RNF31: variants seen among roughly 807,000 people sequenced by gnomAD.
RNF31 encodes ring finger protein 31, also known as E3 ubiquitin-protein ligase RNF31.
RNF31 carries 38 observed loss-of-function variants against 133.6 expected under a neutral mutation model. That is an observed-to-expected ratio of 0.28 (90% CI 0.22 to 0.37). RNF31 has a LOEUF of 0.37. Among genes scored for constraint, RNF31 ranks in the 10% least tolerant of loss-of-function variants. The pLI is 1.00. For missense variants in RNF31, 1,118 were observed against 1,394.1 expected (o/e 0.80, Z 3.15); for synonymous variants, 582 against 552.3 (o/e 1.05, Z -0.75).
At position 24,156,988 on chromosome 14, in the gene RNF31, C is replaced by T. The variant is rs187458082; in HGVS notation, c.2494-302C>T. 6.6e-4 allele frequency among the ~76,000 whole-genome samples: 101 copies of T among 152,018 alleles called. 1 individual carries two copies. Among genetic ancestry groups the T allele is most frequent in the East Asian group, 6.2e-3 (32 of 5,158 alleles). ...AATGGGAAACAGAGAGACTAGTAAC[C>T]GAGGCAAGCAATTGAGGCAAGGTCT... On this transcript the variant is annotated intron_variant, in intron 14 of 20. Transcript: ENST00000324103.
At position 24,151,372 on chromosome 14, in the gene RNF31, G is replaced by T; in HGVS notation, c.1730G>T (p.Arg577Leu). 1.2e-6 allele frequency: 2 copies of T among 1,614,184 alleles called. No individual in the cohort carries two copies. The highest frequency in any genetic ancestry group is 1.7e-6 in the Non-Finnish European group (2 of 1,180,024). ...GTGGAGGAGTGTGTGAGGACCAGGC[G>T]AAGGAAGGTATCAGCTGTGCTGGAT... ...EAVEECVRTR[R>L]RKVQELQSLG... is the part of the protein sequence containing the mutation. The change falls in exon 9 of 21, where the codon CGA (arginine) becomes CTA (leucine). Residue 577 changes from arginine (R) to leucine (L), a missense_variant. Coordinates refer to ENST00000324103, the MANE Select transcript of RNF31 (RefSeq NM_017999.5). This position sits in a 1 kb window ranked among gnomAD's most constrained non-coding sequence, Gnocchi z 5.3.
intron 11 of RNF31, 113 bp downstream of exon 11, chr14:24,152,105 C>A: frequency 9.7e-7 from 1 of 1,028,784 alleles, no homozygotes; most frequent in Non-Finnish European, 1.4e-6. Flanking sequence ...TGCCCATATA[C>A]CCCTGAAGGC....
At position 24,151,346 on chromosome 14, in the gene RNF31, T is replaced by C. The variant is rs2038263169; in HGVS notation, c.1704T>C (p.Ala568=). 1.2e-6 allele frequency: 2 copies of C among 1,614,166 alleles called. No individual in the cohort carries two copies. Among genetic ancestry groups the C allele is most frequent in the African/African-American group, 1.3e-5 (1 of 75,060 alleles). Residue 568 remains alanine, a synonymous_variant, in exon 9 of 21, where the codon GCT becomes GCC. Coordinates refer to ENST00000324103, the MANE Select transcript of RNF31 (RefSeq NM_017999.5). This position sits in a 1 kb window ranked among gnomAD's most constrained non-coding sequence, Gnocchi z 5.3. Reference sequence around the variant, plus strand: ...ATCGTCATGGCAACCTTGATGAAGCTGTGGAGGAGTGTGTGAGGACCAGGC... The same window carrying C: ...ATCGTCATGGCAACCTTGATGAAGCCGTGGAGGAGTGTGTGAGGACCAGGC... ...WLDRHGNLDE[A]VEECVRTRRR...
chr14:24,148,972 G>T, intron 5 of RNF31, 96 bp downstream of exon 5: 1 of 1,161,160 alleles, frequency 8.6e-7, no homozygotes, highest in Non-Finnish European at 1.3e-6. Flanking sequence ...CTTTGTGTTT[G>T]TTTGTTTTGA....
At position 24,150,516 on chromosome 14, in the gene RNF31, C is replaced by T. The variant is rs1018780747; in HGVS notation, c.1197+68C>T. 4 of 1,575,092 alleles carry T rather than the reference C, an allele frequency of 2.5e-6. No homozygotes were observed. In the South Asian group the frequency reaches 3.5e-5, roughly 14 times the overall value. ...ATTCTCTTCCCTATCCCATGTTTTC[C>T]TTCAGTTCCTCCCAACTCCCTGTAT... On this transcript the variant is annotated intron_variant, in intron 7 of 20. Coordinates refer to ENST00000324103, the MANE Select transcript of RNF31 (RefSeq NM_017999.5).
chr14:24,153,164 G>C (rs902467325), intron 11 of RNF31, among the ~76,000 whole-genome samples: 43 of 152,076 alleles, frequency 2.8e-4, no homozygotes, highest in Non-Finnish European at 7.4e-5. Context: ...AAAGAATTTT[G>C]CTGGGCATGA....
rs774870597 is a variant in RNF31, at chr14:24,150,103, G to T, written c.852G>T (p.Leu284=). The part of the protein sequence containing the change: ...SAQPRPQSTS[L]LALGDSSLSS... ...AACCACGGCCCCAGTCGACCTCCCTGCTGGCCCTGGGAGACAGCTCTCTTT... is the reference window on the plus strand; with the variant it reads ...AACCACGGCCCCAGTCGACCTCCCTTCTGGCCCTGGGAGACAGCTCTCTTT... Residue 284 remains leucine (L), a synonymous_variant, in exon 7 of 21, where the codon CTG becomes CTT. Transcript: ENST00000324103. 2 of 1,600,802 alleles carry T rather than the reference G, an allele frequency of 1.2e-6. No homozygotes were observed. The highest frequency in any genetic ancestry group is 3.3e-5 in the Admixed American group (2 of 59,702).
rs1172799740 is a variant in RNF31 at position 24,157,898 on chromosome 14, A to C, written c.2728A>C (p.Lys910Gln). 3 of 1,613,478 alleles carry C rather than the reference A, an allele frequency of 1.9e-6. No homozygotes were observed. Among genetic ancestry groups the C allele is most frequent in the Admixed American group, 3.3e-5 (2 of 60,010 alleles). Residue 910 changes from lysine to glutamine, a missense_variant and splice_region_variant, in exon 17 of 21, where the codon AAA becomes CAA. Coordinates refer to ENST00000324103, the MANE Select transcript of RNF31 (RefSeq NM_017999.5). ...TCTCTCCCATCTGGGTTTCTGCCAG[A>C]AATGTCCAGAGCCTAACTGCAGGGT... The part of the protein sequence containing the change: ...GCYNAFYAKN[K>Q]CPEPNCRVKK...
chr14:24,158,277 T>C lies in RNF31; in HGVS notation c.2899+78T>C. ...CCGTGTGATGGGTAAAGGGGAGGCT[T>C]GGGTCTGGGGTCACTTGTTGCATGC... On this transcript the variant is annotated intron_variant, in intron 18 of 20. Coordinates refer to ENST00000324103, the MANE Select transcript of RNF31 (RefSeq NM_017999.5). 2.1e-6 allele frequency: 3 copies of C among 1,403,086 alleles called. No homozygotes were observed. In the South Asian group the frequency reaches 3.5e-5, roughly 16 times the overall value. 86.9% of individuals were successfully genotyped at this position (1,403,086 alleles called of 1,614,324 possible).
Position 24,160,204 on chromosome 14 carries a change from A to G in RNF31, c.2997-35A>G. ...TAGACACACTCAGTTAATATTAGCC[A>G]ACACAACAAATATTCTGCTCCCTTT... is the stretch of plus-strand genomic sequence containing the variant. On this transcript the variant is annotated intron_variant, in intron 19 of 20. Transcript: ENST00000324103. The surrounding 1 kb of genome is among the most constrained non-coding windows in gnomAD (Gnocchi z 4.0). The G allele has an allele frequency of 6.3e-7, 1 of 1,592,422 alleles. No individual in the cohort carries two copies. Among genetic ancestry groups the G allele is most frequent in the East Asian group, 2.2e-5 (1 of 44,552 alleles).
chr14:24,157,801 A>ATCTCCCCTCACCC, intron 16 of RNF31, 97 bp from the exon 17 acceptor site: 2 of 1,145,066 alleles, frequency 1.7e-6, no homozygotes, highest in South Asian at 2.6e-5. Flanking sequence ...CAATGTCTCC[A>ATCTCCCCTCACCC]TCTCCCCTCA....
chr14:24,159,683 T>C (rs2038415313), intron 18 of RNF31, 181 bp from the exon 19 acceptor site: 1 of 559,412 alleles, frequency 1.8e-6, no homozygotes, highest in African/African-American at 1.9e-5. Flanking sequence ...CCTGCCTCTG[T>C]ATCAGATGGT....
rs531560174 is a variant in RNF31, at chr14:24,160,165, G to C, written c.2997-74G>C. 1.2e-4 allele frequency: 176 copies of C among 1,518,628 alleles called. No homozygotes were observed. The highest frequency in any genetic ancestry group is 1.5e-4 in the Non-Finnish European group (172 of 1,120,216). 94.1% of individuals were successfully genotyped at this position (1,518,628 alleles called of 1,614,324 possible). On this transcript the variant is annotated intron_variant, in intron 19 of 20. Transcript: ENST00000324103. The surrounding 1 kb of genome is among the most constrained non-coding windows in gnomAD (Gnocchi z 4.0). Reference sequence around the variant, plus strand: ...TAATCTTGTTCGTCCAGGTGTCTCAGAGTCCAGCTATGTTAGACACACTCA... The same window carrying C: ...TAATCTTGTTCGTCCAGGTGTCTCACAGTCCAGCTATGTTAGACACACTCA...
At chr14:24,157,438 A>T (rs1391675805) in intron 15 of RNF31, 34 bp downstream of exon 15, 2 of 1,604,458 alleles carry the variant, frequency 1.2e-6, no homozygotes, top group South Asian at 2.2e-5. Context: ...TTTGCTCAGA[A>T]GCCTGTCATT....
At chr14:24,158,069 G>T (rs538402580) in intron 17 of RNF31, 58 bp downstream of exon 17, 2 of 1,611,376 alleles carry the variant, frequency 1.2e-6, no homozygotes, top group African/African-American at 1.3e-5. Flanking sequence ...AATGGAAAAG[G>T]CTCCGTGCTA....
At chr14:24,149,664 G>T in intron 6 of RNF31, 81 bp downstream of exon 6, 1 of 1,405,920 alleles carries the variant, frequency 7.1e-7, no homozygotes. Context: ...GCCAGTTTCT[G>T]TGCTAAAGAC....
At chr14:24,150,971 CTTGTTA>C in intron 8 of RNF31, 83 bp downstream of exon 8, 4 of 1,508,442 alleles carry the variant, frequency 2.7e-6, no homozygotes, top group Non-Finnish European at 3.6e-6. Flanking sequence ...TTCTATGAAT[CTTGTTA>C]TTGTTAGCAG....
chr14:24,147,935 C>T, intron 1 of RNF31, 41 bp from the exon 2 acceptor site: 1 of 1,613,594 alleles, frequency 6.2e-7, no homozygotes, highest in Non-Finnish European at 8.5e-7. Flanking sequence ...GGGCCTGAGG[C>T]CCAGGCCACG....
chr14:24,158,883 A>G (rs1252456438), intron 18 of RNF31, among the ~76,000 whole-genome samples: 3 of 151,564 alleles, frequency 2.0e-5, no homozygotes, highest in African/African-American at 7.3e-5. Flanking sequence ...AATACAAAAA[A>G]TTAGCCGGGC....
Sources: allele counts gnomAD v4.1 joint callset (sites outside exome capture counted in the v4.1 genomes callset), GRCh38; gene constraint gnomAD v4.1.1; non-coding constraint Gnocchi (gnomAD v3.1); transcripts MANE v1.5; gene names NCBI Gene and HGNC (gene_info 2026-07-23, HGNC 2026-07-21).